RGS6: variants seen among roughly 807,000 people sequenced by gnomAD.
RGS6 encodes regulator of G-protein signaling 6.
In RGS6, 30 loss-of-function variants were observed where a neutral mutation model predicts 78.5. The observed-to-expected ratio is 0.38, with a 90% CI of 0.29 to 0.52. RGS6 has a LOEUF of 0.52. Among genes scored for constraint, RGS6 ranks in the 20% least tolerant of loss-of-function variants. The probability of loss-of-function intolerance (pLI) is 0.85; values close to 1 mark genes in which losing one functional copy is unlikely to be tolerated. For missense variants in RGS6, 495 were observed against 609.7 expected, an observed-to-expected ratio of 0.81 and a Z score of 1.98; for synonymous variants, 206 against 206.0, an observed-to-expected ratio of 1.00 and a Z score of 0.00.
chr14:72,504,304 C>A (rs1372656871), intron 13 of RGS6, among the ~76,000 whole-genome samples: 1 of 152,180 alleles, frequency 6.6e-6, no homozygotes, highest in Non-Finnish European at 1.5e-5. Context: ...TCTTTTTGTG[C>A]TTAACAATTC....
chr14:72,286,947 C>G (rs972940080), intron 2 of RGS6, among the ~76,000 whole-genome samples: 1 of 152,126 alleles, frequency 6.6e-6, no homozygotes, highest in Non-Finnish European at 1.5e-5. Flanking sequence ...CCACACTTGC[C>G]TAATTTTTGT....
chr14:72,013,261 A>C (rs1198260359), intron 2 of RGS6, among the ~76,000 whole-genome samples: 2 of 119,012 alleles, frequency 1.7e-5, no homozygotes, highest in Admixed American at 1.0e-4. Context: ...ACAGAACAAG[A>C]CTCCGTCTCC....
intron 2 of RGS6, among the ~76,000 whole-genome samples, chr14:72,183,154 T>A (rs1482595203): frequency 6.6e-6 from 1 of 152,210 alleles, no homozygotes; most frequent in Non-Finnish European, 1.5e-5. Context: ...AAGGTAGGCT[T>A]ACTTTATGTC....
At chr14:72,211,749 G>A (rs1026370616) in intron 2 of RGS6, among the ~76,000 whole-genome samples, 1 of 152,212 alleles carries the variant, frequency 6.6e-6, no homozygotes, top group East Asian at 1.9e-4. Flanking sequence ...GACAGCCTCC[G>A]AATTTAGGAA....
intron 2 of RGS6, among the ~76,000 whole-genome samples, chr14:72,064,818 G>A (rs564411357): frequency 2.6e-4 from 39 of 152,276 alleles, no homozygotes; most frequent in African/African-American, 4.3e-4. Context: ...TGTTTATCAT[G>A]TGTACTTATC....
intron 2 of RGS6, among the ~76,000 whole-genome samples, chr14:72,223,927 C>G (rs117940646): frequency 6.6e-6 from 1 of 152,202 alleles, no homozygotes; most frequent in Admixed American, 6.5e-5. Flanking sequence ...TACGCCTAGG[C>G]GTGCTGAAAT....
the RGS6 span, chr14:72,612,740 C>G: frequency 2.6e-6 from 1 of 391,718 alleles, no homozygotes; most frequent in Admixed American, 3.1e-5. Flanking sequence ...TTTGAAGTAC[C>G]CAACTATTGC....
chr14:72,207,894 G>A (rs1341898202), intron 2 of RGS6, among the ~76,000 whole-genome samples: 1 of 152,148 alleles, frequency 6.6e-6, no homozygotes, highest in African/African-American at 2.4e-5. Context: ...TAATAGTACC[G>A]ACCTCCTGAG....
intron 2 of RGS6, among the ~76,000 whole-genome samples, chr14:72,043,313 C>A (rs1440532927): frequency 6.6e-6 from 1 of 152,064 alleles, no homozygotes; most frequent in Non-Finnish European, 1.5e-5. Context: ...CACACACCAT[C>A]CAGATATTAA....
chr14:72,435,081 G>A (rs996671398), intron 3 of RGS6, among the ~76,000 whole-genome samples: 14 of 152,162 alleles, frequency 9.2e-5, no homozygotes, highest in African/African-American at 2.7e-4. Context: ...CCAGGCCACC[G>A]CATTTGTGAT....
the RGS6 span, among the ~76,000 whole-genome samples, chr14:71,890,228 G>T: frequency 6.6e-6 from 1 of 152,144 alleles, no homozygotes; most frequent in South Asian, 2.1e-4. Context: ...GACTCATTTT[G>T]TGTCATTTTA....
intron 2 of RGS6, among the ~76,000 whole-genome samples, chr14:71,997,226 C>T (rs887230053): frequency 5.9e-5 from 9 of 152,076 alleles, no homozygotes; most frequent in African/African-American, 2.2e-4. Flanking sequence ...ATGCTCAGGC[C>T]TCCAGGGGAT....
At chr14:72,302,223 G>T (rs577962628) in intron 2 of RGS6, among the ~76,000 whole-genome samples, 1 of 152,166 alleles carries the variant, frequency 6.6e-6, no homozygotes, top group Non-Finnish European at 1.5e-5. Context: ...AATAAGAGCC[G>T]GCACTATCAC....
At chr14:72,173,588 C>G (rs2097058552) in intron 2 of RGS6, among the ~76,000 whole-genome samples, 2 of 152,288 alleles carry the variant, frequency 1.3e-5, no homozygotes, top group South Asian at 4.1e-4. Flanking sequence ...TTTCCCATGA[C>G]ACACATTTCT....
At chr14:71,873,580 C>T in the RGS6 span, among the ~76,000 whole-genome samples, 2 of 152,066 alleles carry the variant, frequency 1.3e-5, no homozygotes, top group Non-Finnish European at 2.9e-5. Flanking sequence ...AATTTTCTCC[C>T]ATTCTGTATA....
At chr14:72,061,361 T>A (rs2093884745) in intron 2 of RGS6, among the ~76,000 whole-genome samples, 1 of 152,186 alleles carries the variant, frequency 6.6e-6, no homozygotes, top group African/African-American at 2.4e-5. Context: ...CCTATTCTGA[T>A]TCTTATAGGG....
chr14:72,237,491 CTGTTCT>C (rs1400480120), intron 2 of RGS6, among the ~76,000 whole-genome samples: 1 of 152,184 alleles, frequency 6.6e-6, no homozygotes, highest in African/African-American at 2.4e-5. Context: ...TCTTCCTCAT[CTGTTCT>C]CAGATGAGCT....
intron 2 of RGS6, among the ~76,000 whole-genome samples, chr14:71,975,073 G>A (rs1390352185): frequency 6.6e-6 from 1 of 152,256 alleles, no homozygotes; most frequent in Non-Finnish European, 1.5e-5. Context: ...GGAATCACTT[G>A]AGCCTGGGAG....
intron 2 of RGS6, among the ~76,000 whole-genome samples, chr14:72,137,949 G>A (rs769623024): frequency 1.3e-5 from 2 of 152,082 alleles, no homozygotes; most frequent in Non-Finnish European, 2.9e-5. Flanking sequence ...TAATCATATG[G>A]TTGGTTCCCC....
Sources: allele counts gnomAD v4.1 joint callset (sites outside exome capture counted in the v4.1 genomes callset), GRCh38; gene constraint gnomAD v4.1.1; transcripts MANE v1.5; gene names NCBI Gene and HGNC (gene_info 2026-07-23, HGNC 2026-07-21).